The following ANO2 variants were observed in gnomAD, a reference collection of about 807,000 sequenced individuals.
ANO2 encodes anoctamin 2, also known as anoctamin-2.
A neutral mutation model predicts 124.2 loss-of-function variants in ANO2; 101 were observed. That is an observed-to-expected ratio of 0.81 (90% CI 0.69 to 0.96). The LOEUF (loss-of-function observed/expected upper bound fraction) is 0.96. ANO2 is among the 40% of genes least tolerant of loss of function. ANO2 has a pLI of 0.00. For missense variants in ANO2, 1,293 were observed against 1,274.5 expected (o/e 1.01, Z -0.22); for synonymous variants, 486 against 482.5 (o/e 1.01, Z -0.09).
chr12:5,603,841 A>C (rs4930769), intron 19 of ANO2, among the ~76,000 whole-genome samples: 95,178 of 150,136 alleles, frequency 0.63, 30,182 homozygotes, highest in Admixed American at 0.73. Context: ...GCTACTCGGG[A>C]GGCTGAGGCA....
In ANO2 at chr12:5,922,671, G is replaced by A; in HGVS notation, c.156C>T (p.Ser52=). The A allele has an allele frequency of 6.4e-7, 1 of 1,551,430 alleles. No individual in the cohort carries two copies. The highest frequency in any genetic ancestry group is 8.7e-7 in the Non-Finnish European group (1 of 1,148,210). ...GPRAPGLQGG[S]NRDPGQPCGG... is the part of the protein sequence containing the mutation. ...CGCAGGGCTGGCCAGGATCTCTGTT[G>A]GAACCGCCCTGCAGACCTGGGGCCC... Residue 52 remains serine (S), a synonymous_variant, in exon 2 of 25, where the codon TCC becomes TCT. Coordinates refer to ENST00000682330, the MANE Select transcript of ANO2 (RefSeq NM_001364791.2).
At chr12:5,784,612 T>C (rs1315628111) in intron 10 of ANO2, among the ~76,000 whole-genome samples, 1 of 152,204 alleles carries the variant, frequency 6.6e-6, no homozygotes, top group Non-Finnish European at 1.5e-5. Context: ...AGCAAAAATC[T>C]ACATGTCAGA....
intron 3 of ANO2, among the ~76,000 whole-genome samples, chr12:5,914,562 G>A (rs535099707): frequency 1.3e-4 from 20 of 152,282 alleles, no homozygotes; most frequent in East Asian, 7.7e-4. Context: ...AGAACAGCCC[G>A]TAGACCTGCT....
intron 3 of ANO2, among the ~76,000 whole-genome samples, chr12:5,897,118 T>G (rs184067436): frequency 3.3e-5 from 5 of 152,018 alleles, no homozygotes; most frequent in African/African-American, 1.2e-4. Context: ...ATCAGATAGA[T>G]GCAGAGACAT....
intron 1 of ANO2, among the ~76,000 whole-genome samples, chr12:5,931,274 C>T (rs1942364146): frequency 6.6e-6 from 1 of 152,056 alleles, no homozygotes; most frequent in Non-Finnish European, 1.5e-5. Flanking sequence ...CCCCATTACC[C>T]ACACCATCAT....
At chr12:5,898,239 C>T (rs1041022827) in intron 3 of ANO2, among the ~76,000 whole-genome samples, 1 of 152,118 alleles carries the variant, frequency 6.6e-6, no homozygotes, top group African/African-American at 2.4e-5. Context: ...AGATGACTGA[C>T]AATATTAAGT....
rs544367846 is a variant in ANO2 at position 5,587,957 on chromosome 12, G to A, written c.2234-9439C>T. Among the ~76,000 whole-genome samples the A allele has an allele frequency of 1.1e-4, 16 of 152,300 alleles. No homozygotes were observed. In the South Asian group the frequency reaches 2.3e-3, roughly 22 times the overall value. On this transcript the variant is annotated intron_variant, in intron 20 of 24. Transcript: ENST00000682330. Reference sequence around the variant, plus strand: ...ACATCTCCCCCTGCTGCCTCCCTCCGTTGAGGACCTGCCCCACCATTCCTA... The same window carrying A: ...ACATCTCCCCCTGCTGCCTCCCTCCATTGAGGACCTGCCCCACCATTCCTA...
At chr12:5,737,395 A>G (rs1950915114) in intron 13 of ANO2, among the ~76,000 whole-genome samples, 1 of 152,250 alleles carries the variant, frequency 6.6e-6, no homozygotes, top group Non-Finnish European at 1.5e-5. Context: ...GGCTACAGAA[A>G]GAAAAATGGA....
chr12:5,636,951 G>A lies in ANO2; in HGVS notation c.1621-1604C>T, dbSNP rs760190337. Among the ~76,000 whole-genome samples the A allele has an allele frequency of 4.6e-5, 7 of 152,044 alleles. No homozygotes were observed. Among genetic ancestry groups the A allele is most frequent in the Non-Finnish European group, 5.9e-5 (4 of 68,008 alleles). On this transcript the variant is annotated intron_variant, in intron 15 of 24. Coordinates refer to ENST00000682330, the MANE Select transcript of ANO2 (RefSeq NM_001364791.2). This position sits in a 1 kb window ranked among gnomAD's most constrained non-coding sequence, Gnocchi z 4.6. ...AAAAAGAAGCCCTTGGTAAGGAAGG[G>A]AGAAAGGTGGCGTTCTCTGGGTAGA...
intron 10 of ANO2, among the ~76,000 whole-genome samples, chr12:5,796,544 C>T (rs1337431948): frequency 1.3e-5 from 2 of 152,120 alleles, no homozygotes; most frequent in African/African-American, 2.4e-5. Flanking sequence ...CACACTAACA[C>T]ACACAAACAC....
rs193275297 is a variant in ANO2 at position 5,893,642 on chromosome 12, C to A, written c.534+27398G>T. Reference sequence around the variant, plus strand: ...TCGCCTAATGCTATCCCTCCCCTAGCCCCCCACCCCACAACAGGCCCCAGT... The same window carrying A: ...TCGCCTAATGCTATCCCTCCCCTAGACCCCCACCCCACAACAGGCCCCAGT... On this transcript the variant is annotated intron_variant, in intron 3 of 24. Coordinates refer to ENST00000682330, the MANE Select transcript of ANO2 (RefSeq NM_001364791.2). 6.7e-3 allele frequency among the ~76,000 whole-genome samples: 1,014 copies of A among 151,526 alleles called. 11 individuals carry two copies. The highest frequency in any genetic ancestry group is 0.023 in the African/African-American group (954 of 41,248).
At chr12:5,644,548 C>T (rs1441037899) in intron 15 of ANO2, among the ~76,000 whole-genome samples, 2 of 152,190 alleles carry the variant, frequency 1.3e-5, no homozygotes, top group Admixed American at 6.5e-5. Flanking sequence ...ACCCAACTTA[C>T]ATAGTATTGT....
At chr12:5,861,905 G>A (rs1955282382) in intron 3 of ANO2, among the ~76,000 whole-genome samples, 1 of 152,146 alleles carries the variant, frequency 6.6e-6, no homozygotes, top group Non-Finnish European at 1.5e-5. Context: ...AGGAGAGTGA[G>A]GTGTAGCCTT....
chr12:5,929,181 TAG>T (rs1942231658), intron 1 of ANO2, among the ~76,000 whole-genome samples: 2 of 125,592 alleles, frequency 1.6e-5, no homozygotes, highest in South Asian at 2.9e-4. Context: ...CCTTCCTTAC[TAG>T]TCTACCTTCT....
At chr12:5,575,532 C>A (rs1942347211) in intron 23 of ANO2, among the ~76,000 whole-genome samples, 1 of 152,102 alleles carries the variant, frequency 6.6e-6, no homozygotes, top group Non-Finnish European at 1.5e-5. Flanking sequence ...CTACGTCACA[C>A]CTAGGCTATA....
intron 20 of ANO2, among the ~76,000 whole-genome samples, chr12:5,592,593 T>A (rs1943453591): frequency 6.6e-6 from 1 of 152,114 alleles, no homozygotes; most frequent in African/African-American, 2.4e-5. Flanking sequence ...GTTGAAGGAT[T>A]TTAAGTAGAA....
At chr12:5,753,254 G>A (rs900165473) in intron 10 of ANO2, among the ~76,000 whole-genome samples, 3 of 152,184 alleles carry the variant, frequency 2.0e-5, no homozygotes, top group Non-Finnish European at 2.9e-5. Context: ...TAGTGGGCTG[G>A]AGGGGAAAGA....
chr12:5,918,993 T>G (rs1477929454), intron 3 of ANO2, among the ~76,000 whole-genome samples: 5 of 152,180 alleles, frequency 3.3e-5, no homozygotes, highest in Non-Finnish European at 7.3e-5. Context: ...ATTAAGCACC[T>G]ATATGTGCCA....
intron 16 of ANO2, among the ~76,000 whole-genome samples, chr12:5,628,667 A>AGTGTGTGTGT (rs72150450): frequency 6.6e-6 from 1 of 150,814 alleles, no homozygotes; most frequent in Non-Finnish European, 1.5e-5. Flanking sequence ...GTAAGCAGAG[A>AGTGTGTGTGT]GTGTGTGTGT....
Sources: gnomAD v4.1 joint callset for allele counts (sites outside exome capture counted in the v4.1 genomes callset) on GRCh38, gnomAD v4.1.1 for gene constraint, Gnocchi (gnomAD v3.1) non-coding constraint, MANE v1.5 for transcripts, NCBI Gene and HGNC (gene_info 2026-07-23, HGNC 2026-07-21) for gene names.